KIR3DL2: variants seen among roughly 807,000 people sequenced by gnomAD.
KIR3DL2 encodes the protein killer cell immunoglobulin like receptor, three Ig domains and long cytoplasmic tail 2, also known as killer cell immunoglobulin-like receptor 3DL2.
A neutral mutation model predicts 41.6 loss-of-function variants in KIR3DL2; 42 were observed. The observed-to-expected ratio is 1.01, with a 90% CI of 0.79 to 1.31. The LOEUF (loss-of-function observed/expected upper bound fraction) is 1.31, where lower values mean the gene tolerates loss of function less well. KIR3DL2 is among the 50% of genes most tolerant of loss of function. The probability of loss-of-function intolerance (pLI) is 0.00; values close to 1 mark genes in which losing one functional copy is unlikely to be tolerated. For synonymous variants in KIR3DL2, 230 were observed against 221.3 expected, an observed-to-expected ratio of 1.04 and a Z score of -0.35; for missense variants, 728 against 576.8, an observed-to-expected ratio of 1.26 and a Z score of -2.68.
chr19:54,864,924 C>G (rs1445436554), intron 6 of KIR3DL2, among the ~76,000 whole-genome samples: 3 of 152,102 alleles, frequency 2.0e-5, no homozygotes, highest in Admixed American at 6.5e-5. Flanking sequence ...GAGGGCATCC[C>G]TGTCTTGTGC....
intron 6 of KIR3DL2, among the ~76,000 whole-genome samples, chr19:54,862,953 C>T (rs2065279915): frequency 2.0e-5 from 3 of 147,648 alleles, no homozygotes; most frequent in Admixed American, 6.7e-5. Context: ...GTGCTGCACC[C>T]ATCAACTCGT....
chr19:54,858,474 A>G (rs1465711497), intron 5 of KIR3DL2, among the ~76,000 whole-genome samples: 2 of 149,600 alleles, frequency 1.3e-5, no homozygotes, highest in African/African-American at 5.0e-5. Context: ...CACACCTGCA[A>G]TTCCAGCACT....
At position 54,866,603 on chromosome 19, in the gene KIR3DL2, C is replaced by T; in HGVS notation, c.1240C>T (p.Pro414Ser). The change falls in exon 9 of 9, where the codon CCT becomes TCT. Residue 414 changes from proline (P) to serine (S), a missense_variant. Pro to Ser is a moderately conservative substitution (Grantham distance 74). Coordinates refer to ENST00000326321, the MANE Select transcript of KIR3DL2 (RefSeq NM_006737.4). Reference sequence around the variant, plus strand: ...TTTCATACAGAGAAAAATCAGTCGCCCTTCTCAGAGGCCCAAGACACCCCT... The same window carrying T: ...TTTCATACAGAGAAAAATCAGTCGCTCTTCTCAGAGGCCCAAGACACCCCT... ...CVFIQRKISR[P>S]SQRPKTPLTD... is the part of the protein sequence containing the mutation. 1 of 1,613,976 alleles carries T rather than the reference C, an allele frequency of 6.2e-7. No individual in the cohort carries two copies. The highest frequency in any genetic ancestry group is 8.5e-7 in the Non-Finnish European group (1 of 1,179,978).
chr19:54,865,763 C>A (rs768107785), intron 6 of KIR3DL2, 42 bp from the exon 7 acceptor site: 21 of 1,495,778 alleles, frequency 1.4e-5, no homozygotes, highest in Admixed American at 1.3e-4. Flanking sequence ...TAAAGAGGAA[C>A]TGCTATGATT....
intron 6 of KIR3DL2, among the ~76,000 whole-genome samples, chr19:54,863,211 T>C (rs1458483909): frequency 2.0e-5 from 3 of 151,932 alleles, no homozygotes; most frequent in Non-Finnish European, 2.9e-5. Flanking sequence ...CTGCATAGTA[T>C]TCCATGGTGT....
intron 6 of KIR3DL2, among the ~76,000 whole-genome samples, chr19:54,862,802 C>CTTTTTTT (rs1210198153): frequency 8.2e-4 from 65 of 79,720 alleles, no homozygotes; most frequent in East Asian, 2.6e-3. Context: ...TGGGTTACTT[C>CTTTTTTT]TTTTTTTTTT....
At chr19:54,857,538 CTTTACTTTA>C (rs1308319994) in intron 5 of KIR3DL2, among the ~76,000 whole-genome samples, 2 of 150,292 alleles carry the variant, frequency 1.3e-5, no homozygotes, top group South Asian at 2.1e-4. Context: ...AGCCATTTTA[CTTTACTTTA>C]TTTATTTATT....
chr19:54,865,497 G>A (rs572987861), intron 6 of KIR3DL2, among the ~76,000 whole-genome samples: 2 of 152,208 alleles, frequency 1.3e-5, no homozygotes, highest in African/African-American at 4.8e-5. Context: ...ATTCATGATG[G>A]ATCCACCTCC....
chr19:54,852,071 G>C lies in KIR3DL2; in HGVS notation c.144G>C (p.Gln48His). 1 of 1,612,628 alleles carries C rather than the reference G, an allele frequency of 6.2e-7. No individual in the cohort carries two copies. Among genetic ancestry groups the C allele is most frequent in the South Asian group, 1.1e-5 (1 of 91,066 alleles). The change falls in exon 3 of 9, where the codon CAG (glutamine) becomes CAC (histidine). Residue 48 changes from glutamine (Q) to histidine (H), a missense_variant. By Grantham distance (24) the Gln-to-His change is conservative. Coordinates refer to ENST00000326321, the MANE Select transcript of KIR3DL2 (RefSeq NM_006737.4). ...CTCGAGGAGGACACGTGGCTCTTCA[G>C]TGTCACTATCGTCGTGGGTTTAACA... ...VVPRGGHVALQCHYRRGFNNF... is the reference protein window; with the variant it reads ...VVPRGGHVALHCHYRRGFNNF...
Position 54,866,624 on chromosome 19 carries a change from C to G in KIR3DL2, c.1261C>G (p.Pro421Ala), listed in dbSNP as rs144006493. 2.1e-5 allele frequency: 34 copies of G among 1,613,880 alleles called. No individual in the cohort carries two copies. Among genetic ancestry groups the G allele is most frequent in the Non-Finnish European group, 2.8e-5 (33 of 1,179,990 alleles). The change falls in exon 9 of 9, where the codon CCC becomes GCC. Residue 421 changes from proline (P) to alanine (A), a missense_variant. Pro to Ala is a conservative substitution (Grantham distance 27). Transcript: ENST00000326321. The part of the protein sequence containing the change: ...ISRPSQRPKT[P>A]LTDTSVYTEL... The stretch of plus-strand genomic sequence containing the variant: ...TCGCCCTTCTCAGAGGCCCAAGACA[C>G]CCCTAACAGATACCAGCGTGTACAC...
intron 4 of KIR3DL2, among the ~76,000 whole-genome samples, chr19:54,854,473 G>C (rs963241602): frequency 1.3e-5 from 2 of 151,766 alleles, no homozygotes; most frequent in African/African-American, 4.9e-5. Flanking sequence ...AGGCCTTGTG[G>C]CATCTACAGA....
At chr19:54,857,077 G>C (rs1213776936) in intron 5 of KIR3DL2, among the ~76,000 whole-genome samples, 2 of 146,120 alleles carry the variant, frequency 1.4e-5, no homozygotes, top group African/African-American at 5.1e-5. Flanking sequence ...TGGACACTAT[G>C]AAAGTTCTCT....
intron 3 of KIR3DL2, 67 bp downstream of exon 3, chr19:54,852,349 T>C (rs1407099665): frequency 1.6e-4 from 247 of 1,575,262 alleles, no homozygotes; most frequent in Admixed American, 3.0e-4. Context: ...CTGGTGGGGG[T>C]GTCCATCAGG....
intron 3 of KIR3DL2, among the ~76,000 whole-genome samples, chr19:54,852,517 G>T (rs1601733409): frequency 6.6e-6 from 1 of 151,692 alleles, no homozygotes; most frequent in Non-Finnish European, 1.5e-5. Flanking sequence ...GGACTGAAGG[G>T]GAAGGTGGAG....
rs2064984385 is a variant in KIR3DL2, at chr19:54,858,925, A to G, written c.950-154A>G. Among the ~76,000 whole-genome samples, 4 of 151,220 alleles carry G rather than the reference A, an allele frequency of 2.6e-5. No individual in the cohort carries two copies. In the South Asian group the frequency reaches 8.4e-4, roughly 32 times the overall value. On this transcript the variant is annotated intron_variant, in intron 5 of 8. Transcript: ENST00000326321. ...ACCTTCAAGTCTCAAGACAGTGGGCATCGCACACAAAAATTATGGAGAAAA... is the reference window on the plus strand; with the variant it reads ...ACCTTCAAGTCTCAAGACAGTGGGCGTCGCACACAAAAATTATGGAGAAAA...
At position 54,865,902 on chromosome 19, in the gene KIR3DL2, CAA is replaced by C; in HGVS notation, c.1102_1103del (p.Lys368GlufsTer17). 6.3e-7 allele frequency: 1 copy of C among 1,595,722 alleles called. No homozygotes were observed. The highest frequency in any genetic ancestry group is 1.1e-5 in the South Asian group (1 of 90,430). ...FFLLYRWCSN[K>X]KNAAVMDQEP... is the part of the protein sequence containing the mutation. ...TTCTCCTTTATCGCTGGTGCTCCAA[CAA>C]AAAGAGTAAGTCTCACGAAGCAGAG... On this transcript the variant is annotated frameshift_variant, in exon 7 of 9. Coordinates refer to ENST00000326321, the MANE Select transcript of KIR3DL2 (RefSeq NM_006737.4). LOFTEE classifies it high-confidence loss of function.
rs371864240 is a variant in KIR3DL2 at position 54,866,554 on chromosome 19, G to A, written c.1191G>A (p.Thr397=). ...ATGAACAAGACCCTCAGGAGGTGACGTACGCACAGTTGGATCACTGCGTTT... is the reference window on the plus strand; with the variant it reads ...ATGAACAAGACCCTCAGGAGGTGACATACGCACAGTTGGATCACTGCGTTT... ...DSDEQDPQEV[T]YAQLDHCVFI... The change falls in exon 9 of 9, where the codon ACG becomes ACA. Residue 397 remains threonine, a synonymous_variant. Coordinates refer to ENST00000326321, the MANE Select transcript of KIR3DL2 (RefSeq NM_006737.4). 154 of 1,613,956 alleles carry A rather than the reference G, an allele frequency of 9.5e-5. 2 individuals carry two copies. In the Middle Eastern group the frequency reaches 2.0e-3, roughly 21 times the overall value.
rs763089445 is a variant in KIR3DL2 at position 54,852,085 on chromosome 19, G to A, written c.158G>A (p.Arg53His). Residue 53 changes from arginine to histidine, a missense_variant, in exon 3 of 9, where the codon CGT becomes CAT. By Grantham distance (29) the Arg-to-His change is conservative (BLOSUM62 0). Transcript: ENST00000326321. ...GHVALQCHYR[R>H]GFNNFMLYKE... is the part of the protein sequence containing the mutation. ...GTGGCTCTTCAGTGTCACTATCGTC[G>A]TGGGTTTAACAATTTCATGCTGTAC... 892 of 1,611,270 alleles carry A rather than the reference G, an allele frequency of 5.5e-4. 4 individuals are homozygous for A. Among genetic ancestry groups the A allele is most frequent in the Non-Finnish European group, 7.2e-4 (849 of 1,178,754 alleles).
At chr19:54,852,455 A>T (rs1455207052) in intron 3 of KIR3DL2, among the ~76,000 whole-genome samples, 173 bp downstream of exon 3, 1 of 151,432 alleles carries the variant, frequency 6.6e-6, no homozygotes, top group Non-Finnish European at 1.5e-5. Flanking sequence ...GTCGCCAATG[A>T]TGGCTACATT....
Sources: gnomAD v4.1 joint callset for allele counts (sites outside exome capture counted in the v4.1 genomes callset) on GRCh38, gnomAD v4.1.1 for gene constraint, MANE v1.5 for transcripts, NCBI Gene and HGNC (gene_info 2026-07-23, HGNC 2026-07-21) for gene names.